Variants in FAM184B observed in about 807,000 individuals in gnomAD.
FAM184B encodes the protein family with sequence similarity 184 member B.
In FAM184B, 111 loss-of-function variants were observed where a neutral mutation model predicts 135.9. The ratio of observed to expected loss-of-function variants is 0.82; its 90% confidence interval spans 0.70 to 0.96. The LOEUF (loss-of-function observed/expected upper bound fraction) is 0.96. Among genes scored for constraint, FAM184B ranks in the 40% least tolerant of loss-of-function variants. The pLI, the probability that FAM184B is intolerant of heterozygous loss-of-function variation, is 0.00. For missense variants in FAM184B, 1,375 were observed against 1,323.9 expected, an observed-to-expected ratio of 1.04 and a Z score of -0.60; for synonymous variants, 552 against 524.8, an observed-to-expected ratio of 1.05 and a Z score of -0.71.
chr4:17,685,725 G>A (rs1377472323), intron 7 of FAM184B, among the ~76,000 whole-genome samples: 1 of 152,052 alleles, frequency 6.6e-6, no homozygotes. Context: ...GGTTGGAAAG[G>A]TACTACTGGC....
intron 1 of FAM184B, among the ~76,000 whole-genome samples, chr4:17,780,270 A>G (rs1719009691): frequency 6.6e-6 from 1 of 152,168 alleles, no homozygotes; most frequent in Admixed American, 6.5e-5. Flanking sequence ...TACAGGACAG[A>G]CCTGGACCTG....
At chr4:17,727,165 T>C (rs915279506) in intron 1 of FAM184B, among the ~76,000 whole-genome samples, 1 of 152,182 alleles carries the variant, frequency 6.6e-6, no homozygotes, top group Non-Finnish European at 1.5e-5. Context: ...ACTTCAGAAC[T>C]GGAGGAGACA....
chr4:17,766,015 G>A (rs535662413), intron 1 of FAM184B, among the ~76,000 whole-genome samples: 2 of 152,316 alleles, frequency 1.3e-5, no homozygotes, highest in Admixed American at 6.5e-5. Context: ...CTTCAACAGT[G>A]AAGCTGCAGA....
chr4:17,639,309 C>A lies in FAM184B; in HGVS notation c.2607G>T (p.Val869=), dbSNP rs1292469854. ...GGGCCTGGGCACTACTGAAATCTGC[C>A]ACCATGGCCTGCATCTCCTTCCGGT... ...QEHRKEMQAM[V]ADFSSAQAQL... Residue 869 remains valine, a synonymous_variant, in exon 14 of 18, where the codon GTG becomes GTT. Coordinates refer to ENST00000265018, the MANE Select transcript of FAM184B (RefSeq NM_015688.2). 1 of 1,551,772 alleles carries A rather than the reference C, an allele frequency of 6.4e-7. No individual in the cohort carries two copies. The highest frequency in any genetic ancestry group is 2.0e-5 in the Admixed American group (1 of 51,012).
intron 13 of FAM184B, 135 bp from the exon 14 acceptor site, chr4:17,639,531 G>T: frequency 9.4e-7 from 1 of 1,066,536 alleles, no homozygotes; most frequent in Non-Finnish European, 1.3e-6. Context: ...AAGGACACCT[G>T]TGGGAAGAAG....
chr4:17,634,415 C>T (rs1028248986), intron 16 of FAM184B, among the ~76,000 whole-genome samples: 1 of 152,180 alleles, frequency 6.6e-6, no homozygotes, highest in Non-Finnish European at 1.5e-5. Flanking sequence ...CCTCCGCCTC[C>T]TGGGTTCAAG....
chr4:17,636,800 T>TGGCTTGCCGAACCCA (rs1715153742), intron 14 of FAM184B, among the ~76,000 whole-genome samples, 155 bp from the exon 15 acceptor site: 1 of 152,010 alleles, frequency 6.6e-6, no homozygotes, highest in African/African-American at 2.4e-5. Context: ...CCTGGGGAGA[T>TGGCTTGCCGAACCCA]GGCTTGCCGA....
intron 1 of FAM184B, among the ~76,000 whole-genome samples, chr4:17,778,421 G>A (rs1347977312): frequency 6.6e-6 from 1 of 152,182 alleles, no homozygotes; most frequent in Non-Finnish European, 1.5e-5. Context: ...CCTACAGAAA[G>A]AACTATTAAA....
rs747152609 is a variant in FAM184B, at chr4:17,642,157, C to A, written c.2418G>T (p.Gly806=). ...GGAGCTGCGCGTTCTCCTCCCAGAG[C>A]CCGCATCCCTCGCCGGAACCCTGCC... ...AAGQGSGEGC[G]LWEENAQLQD... The change falls in exon 13 of 18, where the codon GGG becomes GGT. Residue 806 remains glycine (G), a synonymous_variant. Transcript: ENST00000265018. 1 of 1,533,434 alleles carries A rather than the reference C, an allele frequency of 6.5e-7. No individual in the cohort carries two copies. 95.0% of individuals were successfully genotyped at this position (1,533,434 alleles called of 1,614,324 possible). A position where few individuals can be genotyped will look rare whatever the true frequency, so the allele number is the denominator to read the frequency against.
chr4:17,690,866 T>G (rs956248890), intron 6 of FAM184B, among the ~76,000 whole-genome samples: 9 of 152,112 alleles, frequency 5.9e-5, no homozygotes, highest in African/African-American at 2.2e-4. Context: ...GGTGTGATGA[T>G]AGGGCAGGAT....
rs918919312 is a variant in FAM184B at position 17,631,267 on chromosome 4, G to A, written c.*1265C>T. 4.6e-5 allele frequency: 7 copies of A among 152,080 alleles called. No individual in the cohort carries two copies. Among genetic ancestry groups the A allele is most frequent in the African/African-American group, 1.7e-4 (7 of 41,366 alleles). 9.4% of individuals were successfully genotyped at this position (152,080 alleles called of 1,614,324 possible). On this transcript the variant is annotated 3_prime_UTR_variant, in exon 18 of 18. Coordinates refer to ENST00000265018, the MANE Select transcript of FAM184B (RefSeq NM_015688.2). ...GGATCTCACTATCTTGCCCAGGCTG[G>A]TCTCGAACTCTTGGGCTCATGCTGT...
intron 7 of FAM184B, among the ~76,000 whole-genome samples, chr4:17,677,197 A>C (rs940771401): frequency 3.3e-5 from 5 of 152,012 alleles, no homozygotes; most frequent in African/African-American, 4.8e-5. Context: ...ACAGGTACAC[A>C]CCACCACGCC....
intron 1 of FAM184B, among the ~76,000 whole-genome samples, chr4:17,713,792 G>A (rs1261118506): frequency 6.6e-6 from 1 of 152,236 alleles, no homozygotes; most frequent in Non-Finnish European, 1.5e-5. Flanking sequence ...CATCTCGGAT[G>A]TGGCAGGCTC....
At chr4:17,762,950 G>A (rs1029263976) in intron 1 of FAM184B, among the ~76,000 whole-genome samples, 3 of 152,086 alleles carry the variant, frequency 2.0e-5, no homozygotes, top group Non-Finnish European at 4.4e-5. Flanking sequence ...TGCACCTTCC[G>A]GATCTCCTCA....
At chr4:17,777,964 G>A (rs1718963142) in intron 1 of FAM184B, among the ~76,000 whole-genome samples, 1 of 152,058 alleles carries the variant, frequency 6.6e-6, no homozygotes, top group Admixed American at 6.6e-5. Context: ...AGCTGGGCAT[G>A]GTGGCTCATG....
intron 10 of FAM184B, 96 bp from the exon 11 acceptor site, chr4:17,653,079 A>C (rs1322497466): frequency 5.0e-6 from 6 of 1,191,072 alleles, no homozygotes; most frequent in Non-Finnish European, 6.1e-6. Flanking sequence ...GGATGCTCTG[A>C]ACACTCGCAC....
chr4:17,696,356 G>A (rs150188902), intron 5 of FAM184B, among the ~76,000 whole-genome samples: 114 of 152,228 alleles, frequency 7.5e-4, no homozygotes, highest in Admixed American at 1.7e-3. Flanking sequence ...GTCATGTATC[G>A]GACAACAGCA....
intron 1 of FAM184B, among the ~76,000 whole-genome samples, chr4:17,729,621 C>A (rs1333601510): frequency 6.6e-6 from 1 of 152,254 alleles, no homozygotes; most frequent in Admixed American, 6.5e-5. Flanking sequence ...CACCGCTGTT[C>A]TGCAGCCACT....
rs1717979678 is a variant in FAM184B at position 17,739,555 on chromosome 4, G to GCTTTTTTTTTTTT, written c.142-29912_142-29911insAAAAAAAAAAAAG. The stretch of plus-strand genomic sequence containing the variant: ...CCCTACACCATATGTCATACCAACT[G>GCTTTTTTTTTTTT]TTTTTTTTTTTTTTTTGAGATGGGG... On this transcript the variant is annotated intron_variant, in intron 1 of 17. Coordinates refer to ENST00000265018, the MANE Select transcript of FAM184B (RefSeq NM_015688.2). Among the ~76,000 whole-genome samples the GCTTTTTTTTTTTT allele has an allele frequency of 3.2e-5, 2 of 62,510 alleles. 1 individual carries two copies. The highest frequency in any genetic ancestry group is 1.2e-4 in the African/African-American group (2 of 16,254). The allele number at this position is 62,510 out of a possible 152,430, so 41.0% of individuals were successfully genotyped here.
Sources: gnomAD v4.1 joint callset for allele counts (sites outside exome capture counted in the v4.1 genomes callset) on GRCh38, gnomAD v4.1.1 for gene constraint, MANE v1.5 for transcripts, NCBI Gene and HGNC (gene_info 2026-07-23, HGNC 2026-07-21) for gene names.